The following XIRP2 variants were observed in gnomAD, a reference collection of about 807,000 sequenced individuals.
The protein encoded by XIRP2 is xin actin-binding repeat-containing protein 2.
In XIRP2, 236 loss-of-function variants were observed where a neutral mutation model predicts 277.0. The ratio of observed to expected loss-of-function variants is 0.85; its 90% CI spans 0.77 to 0.95. XIRP2 has a LOEUF of 0.95. XIRP2 is among the 40% of genes least tolerant of loss of function. XIRP2 has a pLI of 0.00. For synonymous variants in XIRP2, 1,490 were observed against 1,416.5 expected (o/e 1.05, Z -1.17); for missense variants, 4,640 against 4,157.5 (o/e 1.12, Z -3.19).
In XIRP2 at chr2:167,251,369, T is replaced by C; in HGVS notation, c.9977T>C (p.Val3326Ala). 6.2e-7 allele frequency: 1 copy of C among 1,613,550 alleles called. No individual in the cohort carries two copies. Reference sequence around the variant, plus strand: ...ACTGTTCAAATGGCTGAAAATTTCGTGAATGACCCTGAAAATGAAATAAAC... The same window carrying C: ...ACTGTTCAAATGGCTGAAAATTTCGCGAATGACCCTGAAAATGAAATAAAC... Reference protein sequence around the residue: ...NRTVQMAENFVNDPENEINRW... With the variant: ...NRTVQMAENFANDPENEINRW... The change falls in exon 9 of 11, where the codon GTG (valine) becomes GCG (alanine). Residue 3326 changes from valine to alanine, a missense_variant. By Grantham distance (64) the Val-to-Ala change is moderately conservative. Transcript: ENST00000409195.
In XIRP2 at chr2:167,240,674, T is replaced by C. The variant is rs777430959; in HGVS notation, c.980T>C (p.Leu327Pro). Residue 327 changes from leucine (L) to proline (P), a missense_variant, in exon 7 of 11, where the codon CTT becomes CCT. Coordinates refer to ENST00000409195, the MANE Select transcript of XIRP2 (RefSeq NM_152381.6). ...TCTCTTTAAATACAGGTCTCTCATC[T>C]TGAAAAGCACACCGAGGAAGTAAAC... ...DVHGTEMVSHLEKHTEEVNQA... is the reference protein window; with the variant it reads ...DVHGTEMVSHPEKHTEEVNQA... 3.1e-6 allele frequency: 5 copies of C among 1,613,784 alleles called. No homozygotes were observed. The African/African-American group carries it at 4.0e-5, about 13-fold the overall frequency.
intron 2 of XIRP2, among the ~76,000 whole-genome samples, chr2:166,926,326 T>C (rs977207556): frequency 3.9e-5 from 6 of 152,114 alleles, no homozygotes; most frequent in Admixed American, 2.6e-4. Flanking sequence ...TATTGAAATA[T>C]GACCAAAACA....
intron 2 of XIRP2, among the ~76,000 whole-genome samples, chr2:167,101,798 T>G (rs1259653031): frequency 6.6e-6 from 1 of 152,216 alleles, no homozygotes; most frequent in African/African-American, 2.4e-5. Flanking sequence ...TTGAAATGTT[T>G]ATGATATTCT....
intron 2 of XIRP2, among the ~76,000 whole-genome samples, chr2:167,007,693 TCTCTCTCTCTCA>T (rs910678323): frequency 5.1e-5 from 6 of 118,284 alleles, no homozygotes; most frequent in African/African-American, 2.2e-4. Context: ...TCTCTCTCTC[TCTCTCTCTCTCA>T]CACACACACA....
intron 2 of XIRP2, among the ~76,000 whole-genome samples, chr2:167,018,511 G>T (rs953559491): frequency 6.6e-6 from 1 of 151,904 alleles, no homozygotes; most frequent in Non-Finnish European, 1.5e-5. Context: ...AAAGAAAGGG[G>T]ACAAGAAGAC....
At chr2:167,174,889 T>G (rs887910034) in intron 3 of XIRP2, among the ~76,000 whole-genome samples, 2 of 152,156 alleles carry the variant, frequency 1.3e-5, no homozygotes, top group African/African-American at 4.8e-5. Flanking sequence ...TGTAGTTATG[T>G]GGTTTTAAGT....
At chr2:166,896,467 A>C (rs1684244569) in intron 1 of XIRP2, among the ~76,000 whole-genome samples, 1 of 151,932 alleles carries the variant, frequency 6.6e-6, no homozygotes, top group Non-Finnish European at 1.5e-5. Context: ...TATATGTCTT[A>C]GTTTTTAATA....
chr2:167,244,623 A>G lies in XIRP2; in HGVS notation c.3231A>G (p.Glu1077=), dbSNP rs1217332163. The G allele has an allele frequency of 6.2e-7, 1 of 1,612,886 alleles. No homozygotes were observed. Among genetic ancestry groups the G allele is most frequent in the South Asian group, 1.1e-5 (1 of 90,852 alleles). The change falls in exon 9 of 11, where the codon GAA becomes GAG. Residue 1077 remains glutamate, a synonymous_variant. Transcript: ENST00000409195. ...IKYFSDVEET[E]SKTEQTRDIV... ...ATTTTAGTGATGTGGAAGAAACAGA[A>G]AGTAAAACTGAACAAACTAGAGATA...
chr2:166,969,652 C>A (rs1686524386), intron 2 of XIRP2, among the ~76,000 whole-genome samples: 1 of 151,518 alleles, frequency 6.6e-6, no homozygotes, highest in African/African-American at 2.4e-5. Context: ...ACTGGGAAAG[C>A]AATTTCATGC....
chr2:167,011,189 T>C (rs997843081), intron 2 of XIRP2, among the ~76,000 whole-genome samples: 2 of 151,072 alleles, frequency 1.3e-5, no homozygotes, highest in African/African-American at 2.4e-5. Flanking sequence ...GCCCATTCAG[T>C]ATGATATTGG....
chr2:167,117,252 T>G (rs1293002955), intron 2 of XIRP2, among the ~76,000 whole-genome samples: 1 of 152,140 alleles, frequency 6.6e-6, no homozygotes, highest in Non-Finnish European at 1.5e-5. Context: ...TCCCTAGTAT[T>G]GGCGTTAAAA....
At chr2:167,196,632 A>T (rs1335313432) in intron 3 of XIRP2, among the ~76,000 whole-genome samples, 1 of 152,048 alleles carries the variant, frequency 6.6e-6, no homozygotes, top group Non-Finnish European at 1.5e-5. Context: ...GGTTTGTGAC[A>T]TTTCCTGAGG....
chr2:167,125,186 C>T (rs1324996740), intron 2 of XIRP2, among the ~76,000 whole-genome samples: 2 of 152,112 alleles, frequency 1.3e-5, no homozygotes, highest in South Asian at 2.1e-4. Context: ...ATTCTTCTTG[C>T]TGCTGTTCCT....
chr2:166,984,004 C>T (rs1574136920), intron 2 of XIRP2, among the ~76,000 whole-genome samples: 1 of 152,118 alleles, frequency 6.6e-6, no homozygotes. Flanking sequence ...CAAAGAAACA[C>T]AGCCCTTAAA....
chr2:167,214,134 G>GAAGGAAGGAAGGAAGCAAGC lies in XIRP2; in HGVS notation c.723+3242_723+3243insGAAGGAAGGAAGCAAGCAAG, dbSNP rs376588444. Among the ~76,000 whole-genome samples the GAAGGAAGGAAGGAAGCAAGC allele has an allele frequency of 2.1e-3, 231 of 112,150 alleles. 12 individuals carry two copies. The highest frequency in any genetic ancestry group is 9.8e-3 in the East Asian group (36 of 3,676). 73.6% of individuals were successfully genotyped at this position (112,150 alleles called of 152,430 possible). ...GGAAGGAAGGAAGGAAGGAAGGAAGGAAGCAAAGAGAAAGAGAAAGAAGGA... is the reference window on the plus strand; with the variant it reads ...GGAAGGAAGGAAGGAAGGAAGGAAGGAAGGAAGGAAGGAAGCAAGCAAGCAAAGAGAAAGAGAAAGAAGGA... On this transcript the variant is annotated intron_variant, in intron 4 of 10. Transcript: ENST00000409195.
chr2:167,147,893 T>G (rs879800908), intron 3 of XIRP2, among the ~76,000 whole-genome samples: 9 of 152,260 alleles, frequency 5.9e-5, no homozygotes, highest in Non-Finnish European at 1.3e-4. Flanking sequence ...AATAACATAA[T>G]GCAGAAAGCA....
At chr2:167,099,447 C>G (rs2105284288) in intron 2 of XIRP2, among the ~76,000 whole-genome samples, 1 of 152,286 alleles carries the variant, frequency 6.6e-6, no homozygotes, top group South Asian at 2.1e-4. Flanking sequence ...TTGCTGGGCT[C>G]TGTGGTGGTG....
chr2:167,083,996 A>G (rs1455265368), intron 2 of XIRP2, among the ~76,000 whole-genome samples: 1 of 151,450 alleles, frequency 6.6e-6, no homozygotes, highest in Non-Finnish European at 1.5e-5. Context: ...GAGTGGTGAG[A>G]GAGGGCATCC....
chr2:166,961,849 G>A (rs951975606), intron 2 of XIRP2, among the ~76,000 whole-genome samples: 1 of 151,456 alleles, frequency 6.6e-6, no homozygotes, highest in African/African-American at 2.4e-5. Context: ...ATGTAAATGT[G>A]GTTATGGAAC....
Sources: allele counts gnomAD v4.1 joint callset (sites outside exome capture counted in the v4.1 genomes callset), GRCh38; gene constraint gnomAD v4.1.1; transcripts MANE v1.5; gene names NCBI Gene and HGNC (gene_info 2026-07-23, HGNC 2026-07-21).